The following PTPRA variants were observed in gnomAD, a reference collection of about 807,000 sequenced individuals.
PTPRA encodes protein tyrosine phosphatase receptor type A.
In PTPRA, 25 loss-of-function variants were observed where a neutral mutation model predicts 104.8. That is an observed-to-expected ratio of 0.24 (90% CI 0.17 to 0.33). PTPRA has a LOEUF of 0.33. PTPRA is among the 10% of genes least tolerant of loss of function. PTPRA has a pLI of 1.00. For synonymous variants in PTPRA, 323 were observed against 368.9 expected (o/e 0.88, Z 1.43); for missense variants, 765 against 1,015.3 (o/e 0.75, Z 3.35).
In PTPRA at chr20:3,027,110, T is replaced by G; in HGVS notation, c.1709-11T>G. ...ATATTGGCTAGCCATAAGCCGCTAT[T>G]CTTCTTACAGATGAATTCAACAGAG... On this transcript the variant is annotated splice_polypyrimidine_tract_variant and intron_variant, in intron 18 of 23. Coordinates refer to ENST00000399903, the MANE Select transcript of PTPRA (RefSeq NM_001385305.1). 6.2e-7 allele frequency: 1 copy of G among 1,613,112 alleles called. No individual in the cohort carries two copies. The highest frequency in any genetic ancestry group is 8.5e-7 in the Non-Finnish European group (1 of 1,179,632).
chr20:2,881,723 G>C (rs936285269), intron 1 of PTPRA, among the ~76,000 whole-genome samples: 1 of 152,138 alleles, frequency 6.6e-6, no homozygotes, highest in Non-Finnish European at 1.5e-5. Context: ...AAATGGGGCC[G>C]GGTGCAGTGG....
At position 2,988,012 on chromosome 20, in the gene PTPRA, T is replaced by TGTGATCATTTTCTCATTAG; in HGVS notation, c.528-17_529dup. On this transcript the variant is annotated intron_variant, in intron 7 of 23. Coordinates refer to ENST00000399903, the MANE Select transcript of PTPRA (RefSeq NM_001385305.1). ...CCCACCTCTGTGCTCCATTCTTCAC[T>TGTGATCATTTTCTCATTAG]GTGATCATTTTCTCATTAGGTTTAA... The TGTGATCATTTTCTCATTAG allele has an allele frequency of 1.3e-6, 2 of 1,534,706 alleles. No individual in the cohort carries two copies. Among genetic ancestry groups the TGTGATCATTTTCTCATTAG allele is most frequent in the Non-Finnish European group, 1.8e-6 (2 of 1,107,742 alleles).
chr20:3,035,933 G>C lies in PTPRA; in HGVS notation c.2190G>C (p.Val730=), dbSNP rs748248015. The change falls in exon 22 of 24, where the codon GTG becomes GTC. Residue 730 remains valine (V), a synonymous_variant. Coordinates refer to ENST00000399903, the MANE Select transcript of PTPRA (RefSeq NM_001385305.1). This position sits in a 1 kb window ranked among gnomAD's most constrained non-coding sequence, Gnocchi z 5.8. ...AGTCAGGGAACCACCCCATCACCGT[G>C]CACTGCAGGTATGGCTCACCCTTGC... is the stretch of plus-strand genomic sequence containing the variant. ...QQQSGNHPIT[V]HCSAGAGRTG... The C allele has an allele frequency of 3.7e-6, 6 of 1,613,450 alleles. No individual in the cohort carries two copies. The highest frequency in any genetic ancestry group is 5.1e-6 in the Non-Finnish European group (6 of 1,180,054).
At chr20:2,997,269 A>C (rs2063437696) in intron 9 of PTPRA, among the ~76,000 whole-genome samples, 1 of 152,120 alleles carries the variant, frequency 6.6e-6, no homozygotes, top group Admixed American at 6.6e-5. Context: ...GGGCTGGAAG[A>C]GAGGAGAGAC....
chr20:2,864,407 G>A, the PTPRA span: 1 of 1,614,188 alleles, frequency 6.2e-7, no homozygotes, highest in Non-Finnish European at 8.5e-7. The surrounding 1 kb of genome is among the most constrained non-coding windows in gnomAD (Gnocchi z 5.2). Flanking sequence ...CTGAACCGAG[G>A]AGATTTTTTC....
At chr20:3,016,332 T>C (rs955781686) in intron 12 of PTPRA, among the ~76,000 whole-genome samples, 2 of 152,184 alleles carry the variant, frequency 1.3e-5, no homozygotes, top group African/African-American at 4.8e-5. Flanking sequence ...CTAGGAACCC[T>C]CAGATCAGGG....
At chr20:2,967,214 T>G (rs1006945055) in intron 5 of PTPRA, among the ~76,000 whole-genome samples, 22 of 152,306 alleles carry the variant, frequency 1.4e-4, no homozygotes, top group African/African-American at 5.3e-4. Context: ...ATAAACTGAC[T>G]TAGGTCCAAA....
intron 3 of PTPRA, among the ~76,000 whole-genome samples, chr20:2,963,579 G>A (rs2061836810): frequency 6.6e-6 from 1 of 151,886 alleles, no homozygotes; most frequent in South Asian, 2.1e-4. Flanking sequence ...GGGCGACAGT[G>A]CAAGACTCCG....
chr20:2,977,656 G>A (rs2062494992), intron 6 of PTPRA, among the ~76,000 whole-genome samples: 1 of 151,318 alleles, frequency 6.6e-6, no homozygotes. Flanking sequence ...AAAAAAAAAA[G>A]GGCGGGGATT....
At chr20:2,917,827 C>G (rs1231760030) in intron 1 of PTPRA, among the ~76,000 whole-genome samples, 4 of 151,644 alleles carry the variant, frequency 2.6e-5, no homozygotes, top group African/African-American at 9.7e-5. Flanking sequence ...GACTTTAGGG[C>G]GCAGTGTAAT....
chr20:3,027,302 C>A, intron 19 of PTPRA, 105 bp downstream of exon 19: 2 of 1,199,916 alleles, frequency 1.7e-6, no homozygotes, highest in Non-Finnish European at 2.4e-6. Flanking sequence ...ATGTTTGAAT[C>A]AGTCAACAAA....
At chr20:3,001,170 T>C (rs2063608852) in intron 9 of PTPRA, among the ~76,000 whole-genome samples, 1 of 152,224 alleles carries the variant, frequency 6.6e-6, no homozygotes, top group Non-Finnish European at 1.5e-5. Flanking sequence ...CTCTGTGAGC[T>C]AGGTTTTTCA....
intron 11 of PTPRA, among the ~76,000 whole-genome samples, chr20:3,010,756 G>C (rs1426431953): frequency 6.6e-6 from 1 of 152,184 alleles, no homozygotes; most frequent in Non-Finnish European, 1.5e-5. Context: ...CCACCACCCT[G>C]TCCTCAGGAC....
At chr20:3,010,699 T>G (rs1432640396) in intron 11 of PTPRA, among the ~76,000 whole-genome samples, 1 of 152,198 alleles carries the variant, frequency 6.6e-6, no homozygotes, top group Non-Finnish European at 1.5e-5. Context: ...CATATCTGCC[T>G]ATGCTTTTCT....
In PTPRA at chr20:3,007,439, C is replaced by G; in HGVS notation, c.906+19C>G. ...CATCAACGTAAGGATCGGGTGCTTT[C>G]CCTGTCACTTCCCTGCCTGACCATT... On this transcript the variant is annotated intron_variant, in intron 11 of 23. Transcript: ENST00000399903. The G allele has an allele frequency of 6.2e-7, 1 of 1,604,850 alleles. No homozygotes were observed. Among genetic ancestry groups the G allele is most frequent in the South Asian group, 1.1e-5 (1 of 90,784 alleles).
chr20:2,924,433 A>G (rs1248485571), intron 2 of PTPRA, among the ~76,000 whole-genome samples: 2 of 152,142 alleles, frequency 1.3e-5, no homozygotes, highest in East Asian at 1.9e-4. Flanking sequence ...GACATACACT[A>G]TTGATAACAT....
chr20:3,008,603 G>T (rs1157685889), intron 11 of PTPRA, among the ~76,000 whole-genome samples: 1 of 151,744 alleles, frequency 6.6e-6, no homozygotes, highest in African/African-American at 2.4e-5. Context: ...ACTTAAAATG[G>T]CTAAAATCAG....
At chr20:2,900,395 A>G (rs1438008993) in intron 1 of PTPRA, among the ~76,000 whole-genome samples, 1 of 152,074 alleles carries the variant, frequency 6.6e-6, no homozygotes. Context: ...GCCCCACTGA[A>G]TGAGCTGGCT....
chr20:2,946,985 G>T (rs1419735605), intron 2 of PTPRA, among the ~76,000 whole-genome samples: 1 of 152,198 alleles, frequency 6.6e-6, no homozygotes, highest in Non-Finnish European at 1.5e-5. Flanking sequence ...ACATGAGAAA[G>T]GAGGGTGAGA....
Sources: allele counts gnomAD v4.1 joint callset (sites outside exome capture counted in the v4.1 genomes callset), GRCh38; gene constraint gnomAD v4.1.1; non-coding constraint Gnocchi (gnomAD v3.1); transcripts MANE v1.5; gene names NCBI Gene and HGNC (gene_info 2026-07-23, HGNC 2026-07-21).